The following UBAP2 variants were observed in gnomAD, a reference collection of about 807,000 sequenced individuals.
The protein encoded by UBAP2 is ubiquitin-associated protein 2.
UBAP2 carries 75 observed loss-of-function variants against 139.6 expected under a neutral mutation model. The observed-to-expected ratio is 0.54, with a 90% CI of 0.45 to 0.65. The LOEUF is 0.65. UBAP2 is among the 30% of genes least tolerant of loss of function. The pLI, the probability that UBAP2 is intolerant of heterozygous loss-of-function variation, is 0.00. For synonymous variants in UBAP2, 526 were observed against 526.2 expected (o/e 1.00, Z 0.01); for missense variants, 1,368 against 1,369.6 (o/e 1.00, Z 0.02).
At chr9:34,031,685 C>G (rs1050479467) in intron 1 of UBAP2, among the ~76,000 whole-genome samples, 1 of 151,890 alleles carries the variant, frequency 6.6e-6, no homozygotes, top group Non-Finnish European at 1.5e-5. Context: ...GTATGTACCA[C>G]CATGCCCGGC....
At position 34,019,066 on chromosome 9, in the gene UBAP2, C is replaced by A. The variant is rs1441608332; in HGVS notation, c.-41-1877G>T. On this transcript the variant is annotated intron_variant, in intron 1 of 28. Transcript: ENST00000379238. ...TAACACATGCTACCACATGGATGCA[C>A]CTCAAAGACATTATGCTAAGTGAAA... Among the ~76,000 whole-genome samples the A allele has an allele frequency of 1.3e-5, 2 of 151,912 alleles. 1 individual carries two copies. Among genetic ancestry groups the A allele is most frequent in the East Asian group, 3.9e-4 (2 of 5,172 alleles).
chr9:33,983,507 G>C (rs1820945258), intron 6 of UBAP2, among the ~76,000 whole-genome samples: 1 of 152,114 alleles, frequency 6.6e-6, no homozygotes, highest in African/African-American at 2.4e-5. Flanking sequence ...AGGAATATCA[G>C]AACAATGATA....
intron 1 of UBAP2, among the ~76,000 whole-genome samples, chr9:34,030,489 A>G (rs1026978280): frequency 1.3e-5 from 2 of 151,998 alleles, no homozygotes; most frequent in African/African-American, 4.8e-5. Context: ...CCGGTATGAC[A>G]GAGCACACCT....
At chr9:34,035,165 ATCTTTCT>A (rs1826221883) in intron 1 of UBAP2, among the ~76,000 whole-genome samples, 1 of 151,948 alleles carries the variant, frequency 6.6e-6, no homozygotes, top group African/African-American at 2.4e-5. Context: ...TAATTGTCAA[ATCTTTCT>A]TCTGTTCTCA....
chr9:33,944,233 C>T, intron 14 of UBAP2, 132 bp downstream of exon 14: 1 of 1,246,150 alleles, frequency 8.0e-7, no homozygotes, highest in African/African-American at 1.5e-5. Context: ...TGGCCATATC[C>T]TTATTATGCA....
At chr9:34,013,880 A>C (rs1823997771) in intron 2 of UBAP2, among the ~76,000 whole-genome samples, 1 of 151,998 alleles carries the variant, frequency 6.6e-6, no homozygotes, top group Non-Finnish European at 1.5e-5. Flanking sequence ...CCATCTCAAA[A>C]AAAAAAAGAA....
chr9:33,974,286 C>A (rs1437320382), intron 6 of UBAP2, among the ~76,000 whole-genome samples: 1 of 151,022 alleles, frequency 6.6e-6, no homozygotes, highest in Non-Finnish European at 1.5e-5. Flanking sequence ...GGCAGTTGGA[C>A]TGCTTCAGCT....
chr9:33,950,436 G>A (rs1826004789), intron 12 of UBAP2, among the ~76,000 whole-genome samples: 1 of 152,158 alleles, frequency 6.6e-6, no homozygotes, highest in South Asian at 2.1e-4. Flanking sequence ...CAAGTAAGTT[G>A]AAACAATTAC....
intron 14 of UBAP2, 39 bp downstream of exon 14, chr9:33,944,326 T>A: frequency 6.3e-7 from 1 of 1,597,974 alleles, no homozygotes; most frequent in Non-Finnish European, 8.6e-7. Context: ...TAAAAATAAT[T>A]CCAGCTTTAG....
intron 7 of UBAP2, among the ~76,000 whole-genome samples, chr9:33,972,839 T>C (rs942556046): frequency 6.6e-6 from 1 of 152,166 alleles, no homozygotes; most frequent in African/African-American, 2.4e-5. Context: ...GGTACGTCTA[T>C]AGGTATTTTG....
intron 16 of UBAP2, among the ~76,000 whole-genome samples, chr9:33,937,867 A>G (rs1046164302): frequency 2.0e-5 from 3 of 152,114 alleles, no homozygotes; most frequent in Non-Finnish European, 4.4e-5. Context: ...GGTTGCAGTG[A>G]GCCGGGACCG....
At chr9:33,996,016 T>C (rs1822169157) in intron 4 of UBAP2, 1 of 479,978 alleles carries the variant, frequency 2.1e-6, no homozygotes, top group East Asian at 3.6e-5. Flanking sequence ...CAAGTTCTCT[T>C]TCAAGTCATC....
chr9:34,045,665 C>T (rs1204207185), intron 1 of UBAP2, among the ~76,000 whole-genome samples: 3 of 152,162 alleles, frequency 2.0e-5, no homozygotes, highest in Admixed American at 6.6e-5. Flanking sequence ...AGCCACAGTG[C>T]CCAGTCACAA....
At chr9:33,996,167 T>C in intron 4 of UBAP2, 56 bp downstream of exon 4, 1 of 1,343,028 alleles carries the variant, frequency 7.4e-7, no homozygotes, top group Non-Finnish European at 1.1e-6. Context: ...AAGTTGAAAA[T>C]GTGCTACGGA....
chr9:33,949,936 T>C (rs1825963404), intron 12 of UBAP2, among the ~76,000 whole-genome samples: 1 of 152,216 alleles, frequency 6.6e-6, no homozygotes, highest in African/African-American at 2.4e-5. Context: ...CTGCCCCATC[T>C]GTCCTGTCAG....
chr9:33,946,656 G>A (rs1825676383), intron 13 of UBAP2, among the ~76,000 whole-genome samples: 1 of 152,020 alleles, frequency 6.6e-6, no homozygotes, highest in South Asian at 2.1e-4. Context: ...GCCTCCCCAA[G>A]TGCTGGGATT....
At chr9:33,935,165 G>GA (rs1491201557) in intron 17 of UBAP2, among the ~76,000 whole-genome samples, 1 of 34,968 alleles carries the variant, frequency 2.9e-5, no homozygotes, top group African/African-American at 8.9e-5. Context: ...GGAAGTGGCG[G>GA]GGGGGGGGGG....
intron 1 of UBAP2, among the ~76,000 whole-genome samples, chr9:34,032,952 T>C (rs575302314): frequency 1.3e-5 from 2 of 151,862 alleles, no homozygotes; most frequent in South Asian, 4.2e-4. Context: ...TCTTTGCTTC[T>C]TGATACTCTA....
At chr9:33,988,568 T>G (rs1319256184) in intron 5 of UBAP2, among the ~76,000 whole-genome samples, 1 of 152,234 alleles carries the variant, frequency 6.6e-6, no homozygotes, top group Non-Finnish European at 1.5e-5. Context: ...TATCTACCTG[T>G]AACTAAATGG....
Sources: allele counts gnomAD v4.1 joint callset (sites outside exome capture counted in the v4.1 genomes callset), GRCh38; gene constraint gnomAD v4.1.1; transcripts MANE v1.5; gene names NCBI Gene and HGNC (gene_info 2026-07-23, HGNC 2026-07-21).